The following TXN2 variants were observed in gnomAD, a reference collection of about 807,000 sequenced individuals.
The protein encoded by TXN2 is thioredoxin, mitochondrial.
A neutral mutation model predicts 14.6 loss-of-function variants in TXN2; 12 were observed. That is an observed-to-expected ratio of 0.82 (90% CI 0.53 to 1.33). TXN2 has a LOEUF of 1.33. Ranked by LOEUF, TXN2 falls within the 40% of genes most tolerant of loss-of-function variation. The probability of loss-of-function intolerance (pLI) is 0.00; values close to 1 mark genes in which losing one functional copy is unlikely to be tolerated. For synonymous variants in TXN2, 89 were observed against 81.0 expected, an observed-to-expected ratio of 1.10 and a Z score of -0.53; for missense variants, 173 against 207.7, an observed-to-expected ratio of 0.83 and a Z score of 1.03.
intron 3 of TXN2, among the ~76,000 whole-genome samples, chr22:36,473,303 C>T (rs558361057): frequency 2.6e-5 from 4 of 152,188 alleles, no homozygotes; most frequent in African/African-American, 7.2e-5. Context: ...ATTAGCTGGG[C>T]GTGGTCGTGG....
At chr22:36,471,544 T>G (rs190011274) in intron 3 of TXN2, among the ~76,000 whole-genome samples, 1 of 152,334 alleles carries the variant, frequency 6.6e-6, no homozygotes, top group African/African-American at 2.4e-5. Context: ...CGCTGTCACA[T>G]GCTGGGTGCT....
intron 3 of TXN2, among the ~76,000 whole-genome samples, chr22:36,472,068 A>G (rs767899231): frequency 1.3e-5 from 2 of 151,524 alleles, no homozygotes; most frequent in Non-Finnish European, 2.9e-5. Context: ...AGCAGCAAAG[A>G]GAGAGAGACA....
intron 2 of TXN2, among the ~76,000 whole-genome samples, chr22:36,477,598 T>C (rs1032929513): frequency 5.3e-5 from 8 of 152,144 alleles, no homozygotes; most frequent in Admixed American, 4.6e-4. Flanking sequence ...TAAACATGCA[T>C]TGGAAGCTGT....
chr22:36,474,712 C>T (rs891813548), intron 3 of TXN2, among the ~76,000 whole-genome samples: 1 of 152,190 alleles, frequency 6.6e-6, no homozygotes, highest in Non-Finnish European at 1.5e-5. Flanking sequence ...CAGGTTGGGC[C>T]CAGAGGCTGC....
Position 36,468,460 on chromosome 22 carries a change from A to C in TXN2, c.388-543T>G, listed in dbSNP as rs150964999. 494 of 306,478 alleles carry C rather than the reference A, an allele frequency of 1.6e-3. 6 individuals are homozygous for C. The highest frequency in any genetic ancestry group is 0.01 in the African/African-American group (466 of 44,602). The allele number at this position is 306,478 out of a possible 1,614,324, so 19.0% of individuals were successfully genotyped here. The stretch of plus-strand genomic sequence containing the variant: ...AAGTATAGGCTGGGCACAGTGGCTT[A>C]TATCTATAATCCCAGCCTTCTGGGA... On this transcript the variant is annotated intron_variant, in intron 3 of 3. Transcript: ENST00000216185.
rs754022333 is a variant in TXN2, at chr22:36,480,767, C to T, written c.71G>A (p.Trp24Ter). The change falls in exon 2 of 4, where the codon TGG becomes TAG. Residue 24 changes from tryptophan (W) to a stop codon, truncating the protein, a stop_gained. Transcript: ENST00000216185. LOFTEE classifies it high-confidence loss of function. ...VISRKPSQGQ[W>*]PPLTSRALQT... ...CAGGGCTCTGGAAGTGAGGGGTGGCCACTGACCCTGAGAGGGCTTCCTGGA... is the reference window on the plus strand; with the variant it reads ...CAGGGCTCTGGAAGTGAGGGGTGGCTACTGACCCTGAGAGGGCTTCCTGGA... 22 of 1,613,496 alleles carry T rather than the reference C, an allele frequency of 1.4e-5. No individual in the cohort carries two copies. Among genetic ancestry groups the T allele is most frequent in the Non-Finnish European group, 1.9e-5 (22 of 1,179,690 alleles).
intron 1 of TXN2, 43 bp from the exon 2 acceptor site, chr22:36,480,880 A>G: frequency 1.3e-6 from 2 of 1,513,676 alleles, no homozygotes; most frequent in Non-Finnish European, 1.8e-6. Flanking sequence ...CACAAAAGGA[A>G]GTCGACACAC....
chr22:36,471,975 A>AG (rs1322492492), intron 3 of TXN2, among the ~76,000 whole-genome samples: 9 of 151,798 alleles, frequency 5.9e-5, no homozygotes, highest in South Asian at 4.2e-4. Context: ...CTCTAAAAAA[A>AG]AAAAAAAAAA....
At chr22:36,470,151 G>T (rs1193820820) in intron 3 of TXN2, among the ~76,000 whole-genome samples, 2 of 152,200 alleles carry the variant, frequency 1.3e-5, no homozygotes, top group Non-Finnish European at 2.9e-5. Context: ...GCACATGGTA[G>T]TTAGGAAAGG....
At chr22:36,477,648 G>A (rs1187611091) in intron 2 of TXN2, among the ~76,000 whole-genome samples, 1 of 152,184 alleles carries the variant, frequency 6.6e-6, no homozygotes, top group African/African-American at 2.4e-5. Flanking sequence ...GAACTAAAAG[G>A]AGGGGAACCA....
At chr22:36,472,363 C>G (rs1295139398) in intron 3 of TXN2, among the ~76,000 whole-genome samples, 1 of 152,092 alleles carries the variant, frequency 6.6e-6, no homozygotes, top group Non-Finnish European at 1.5e-5. Context: ...AATGTGGACA[C>G]CGGCTATGAC....
intron 2 of TXN2, among the ~76,000 whole-genome samples, chr22:36,478,132 CAA>C (rs778032940): frequency 1.9e-4 from 13 of 67,686 alleles, no homozygotes; most frequent in South Asian, 6.1e-4. Context: ...GACTCTGTCT[CAA>C]AAAAAAAAAA....
chr22:36,472,076 A>T (rs1933290409), intron 3 of TXN2, among the ~76,000 whole-genome samples: 1 of 152,100 alleles, frequency 6.6e-6, no homozygotes, highest in Non-Finnish European at 1.5e-5. Context: ...AGAGAGAGAG[A>T]CATCTACTGA....
intron 2 of TXN2, 102 bp downstream of exon 2, chr22:36,480,473 C>T: frequency 6.8e-7 from 1 of 1,469,682 alleles, no homozygotes; most frequent in Non-Finnish European, 9.2e-7. Context: ...TATATTGAGT[C>T]TACATATGAG....
intron 2 of TXN2, among the ~76,000 whole-genome samples, chr22:36,477,270 C>T (rs367985770): frequency 1.3e-5 from 2 of 152,102 alleles, no homozygotes; most frequent in Non-Finnish European, 2.9e-5. Context: ...TGCAGTGGCG[C>T]GATCTCGGCT....
At position 36,475,434 on chromosome 22, in the gene TXN2, A is replaced by G. The variant is rs564283269; in HGVS notation, c.387+1299T>C. On this transcript the variant is annotated intron_variant, in intron 3 of 3. Coordinates refer to ENST00000216185, the MANE Select transcript of TXN2 (RefSeq NM_012473.4). ...TACTCCCATCCTCTCTTCCTGATGTATTTTTCTCCATTGAACTTATTATCT... is the reference window on the plus strand; with the variant it reads ...TACTCCCATCCTCTCTTCCTGATGTGTTTTTCTCCATTGAACTTATTATCT... Among the ~76,000 whole-genome samples, 9 of 152,248 alleles carry G rather than the reference A, an allele frequency of 5.9e-5. No individual in the cohort carries two copies. The South Asian group carries it at 1.7e-3, about 28-fold the overall frequency.
chr22:36,479,839 C>T (rs1933461120), intron 2 of TXN2, among the ~76,000 whole-genome samples: 1 of 151,748 alleles, frequency 6.6e-6, no homozygotes, highest in African/African-American at 2.4e-5. Context: ...AAACTCCTTC[C>T]TATGCCCTGT....
At chr22:36,471,167 C>T (rs979335697) in intron 3 of TXN2, among the ~76,000 whole-genome samples, 1 of 152,120 alleles carries the variant, frequency 6.6e-6, no homozygotes, top group African/African-American at 2.4e-5. Flanking sequence ...GCACATTCTT[C>T]TGGAATGTTT....
intron 3 of TXN2, among the ~76,000 whole-genome samples, chr22:36,473,374 C>T (rs956988693): frequency 3.3e-5 from 5 of 152,182 alleles, no homozygotes; most frequent in Non-Finnish European, 5.9e-5. Context: ...ACCTGAGAAG[C>T]GGAGGTTGCA....
Sources: gnomAD v4.1 joint callset for allele counts (sites outside exome capture counted in the v4.1 genomes callset) on GRCh38, gnomAD v4.1.1 for gene constraint, MANE v1.5 for transcripts, NCBI Gene and HGNC (gene_info 2026-07-23, HGNC 2026-07-21) for gene names.